The following CAMSAP1 variants were observed in gnomAD, a reference collection of about 807,000 sequenced individuals.
CAMSAP1 encodes calmodulin-regulated spectrin-associated protein 1.
Under a neutral mutation model 143.5 loss-of-function variants are expected in CAMSAP1, and 58 were observed. The ratio of observed to expected loss-of-function variants is 0.40; its 90% CI spans 0.33 to 0.50. The LOEUF (loss-of-function observed/expected upper bound fraction) is 0.50. Among genes scored for constraint, CAMSAP1 ranks in the 20% least tolerant of loss-of-function variants. The pLI is 0.45. For synonymous variants in CAMSAP1, 945 were observed against 859.3 expected (o/e 1.10, Z -1.74); for missense variants, 1,969 against 2,115.7 (o/e 0.93, Z 1.36).
At position 135,882,849 on chromosome 9, in the gene CAMSAP1, T is replaced by C. The variant is rs1436651963; in HGVS notation, c.390A>G (p.Thr130=). The C allele has an allele frequency of 1.2e-5, 18 of 1,551,252 alleles. No homozygotes were observed. Among genetic ancestry groups the C allele is most frequent in the Admixed American group, 9.8e-5 (5 of 50,978 alleles). The part of the protein sequence containing the change: ...YVMESDDTPV[T]ESDLSRAPIK... ...TGGGTGCGCGACTGAGGTCGGACTC[T>C]GTCACGGGGGTGTCATCACTCTCCA... is the stretch of plus-strand genomic sequence containing the variant. Residue 130 remains threonine (T), a synonymous_variant, in exon 2 of 17, where the codon ACA becomes ACG. Coordinates refer to ENST00000389532, the MANE Select transcript of CAMSAP1 (RefSeq NM_015447.4). The surrounding 1 kb of genome is among the most constrained non-coding windows in gnomAD (Gnocchi z 4.9).
At chr9:135,837,643 C>T (rs996678064) in intron 7 of CAMSAP1, among the ~76,000 whole-genome samples, 2 of 151,256 alleles carry the variant, frequency 1.3e-5, no homozygotes, top group Non-Finnish European at 2.9e-5. Flanking sequence ...CACGCACTTT[C>T]TACCCCTTCT....
chr9:135,897,859 A>C lies in CAMSAP1; in HGVS notation c.160+9141T>G, dbSNP rs58670141. Among the ~76,000 whole-genome samples, 100 of 152,330 alleles carry C rather than the reference A, an allele frequency of 6.6e-4. 3 individuals are homozygous for C. In the East Asian group the frequency reaches 0.019, roughly 29 times the overall value. ...AATATATTCAGGCCACAGTTGACCAAAGGTTACTGATAACAGGGGACTACT... is the reference window on the plus strand; with the variant it reads ...AATATATTCAGGCCACAGTTGACCACAGGTTACTGATAACAGGGGACTACT... On this transcript the variant is annotated intron_variant, in intron 1 of 16. Transcript: ENST00000389532.
chr9:135,816,306 G>A (rs1835228299), intron 14 of CAMSAP1, among the ~76,000 whole-genome samples: 1 of 152,220 alleles, frequency 6.6e-6, no homozygotes, highest in African/African-American at 2.4e-5. Flanking sequence ...CGTGAGCAGG[G>A]CACAGGCACA....
intron 7 of CAMSAP1, 88 bp from the exon 8 acceptor site, chr9:135,827,672 C>G: frequency 7.9e-7 from 1 of 1,265,694 alleles, no homozygotes; most frequent in Admixed American, 3.2e-5. Flanking sequence ...AGCACTAACT[C>G]AACCTTTTAT....
At chr9:135,876,260 G>C (rs1588495684) in intron 3 of CAMSAP1, among the ~76,000 whole-genome samples, 1 of 152,220 alleles carries the variant, frequency 6.6e-6, no homozygotes, top group Non-Finnish European at 1.5e-5. Context: ...GCCAACCTTT[G>C]CTTTTTGACA....
chr9:135,809,496 CA>C lies in CAMSAP1; in HGVS notation c.*1812del, dbSNP rs1375502814. The C allele has an allele frequency of 1.3e-5, 2 of 152,342 alleles. No individual in the cohort carries two copies. The highest frequency in any genetic ancestry group is 2.9e-5 in the Non-Finnish European group (2 of 68,024). The allele number at this position is 152,342 out of a possible 1,614,324, so 9.4% of individuals were successfully genotyped here. ...ACTTCGATAGGGCCATGGTAAAGAACAATGTGAAACTCCTATAAAGCAAGGA... is the reference window on the plus strand; with the variant it reads ...ACTTCGATAGGGCCATGGTAAAGAACATGTGAAACTCCTATAAAGCAAGGA... On this transcript the variant is annotated 3_prime_UTR_variant, in exon 17 of 17. Coordinates refer to ENST00000389532, the MANE Select transcript of CAMSAP1 (RefSeq NM_015447.4).
chr9:135,883,763 T>C (rs1044403277), intron 1 of CAMSAP1, among the ~76,000 whole-genome samples: 2 of 152,158 alleles, frequency 1.3e-5, no homozygotes, highest in African/African-American at 4.8e-5. Context: ...TTCCCTCAAA[T>C]GAGGACTACC....
chr9:135,843,145 T>A (rs1836421279), intron 7 of CAMSAP1, among the ~76,000 whole-genome samples: 2 of 151,962 alleles, frequency 1.3e-5, no homozygotes, highest in South Asian at 4.2e-4. Flanking sequence ...CTGACCAACA[T>A]GGAGAAACCC....
chr9:135,841,361 T>C (rs1001091507), intron 7 of CAMSAP1, among the ~76,000 whole-genome samples: 1 of 152,340 alleles, frequency 6.6e-6, no homozygotes, highest in East Asian at 1.9e-4. Context: ...CAGGGGCTTA[T>C]ACATAAAACT....
At chr9:135,841,981 G>C (rs536863131) in intron 7 of CAMSAP1, among the ~76,000 whole-genome samples, 50 of 152,286 alleles carry the variant, frequency 3.3e-4, no homozygotes, top group African/African-American at 1.2e-3. Context: ...AGGGAACAAA[G>C]CTGGACGAAG....
At position 135,841,320 on chromosome 9, in the gene CAMSAP1, G is replaced by A. The variant is rs559362874; in HGVS notation, c.1045+8817C>T. ...TCTAGATTCCTCCTCTCTGAGCAGG[G>A]CATCTCTGAAAGAAAAGTATTAGCC... On this transcript the variant is annotated intron_variant, in intron 7 of 16. Transcript: ENST00000389532. Among the ~76,000 whole-genome samples, 5 of 152,304 alleles carry A rather than the reference G, an allele frequency of 3.3e-5. No individual in the cohort carries two copies. In the South Asian group the frequency reaches 1.0e-3, roughly 32 times the overall value.
At position 135,823,074 on chromosome 9, in the gene CAMSAP1, G is replaced by A; in HGVS notation, c.1587C>T (p.Leu529=). Residue 529 remains leucine, a synonymous_variant, in exon 11 of 17, where the codon CTC becomes CTT. Coordinates refer to ENST00000389532, the MANE Select transcript of CAMSAP1 (RefSeq NM_015447.4). ...PTATKSHGKS[L]LSNVSIEDEE... The stretch of plus-strand genomic sequence containing the variant: ...CATCCTCAATACTGACATTGCTCAG[G>A]AGGCTCTTCCCGTGGCTCTTCGTGG... The A allele has an allele frequency of 6.2e-7, 1 of 1,614,010 alleles. No homozygotes were observed. Among genetic ancestry groups the A allele is most frequent in the Non-Finnish European group, 8.5e-7 (1 of 1,179,890 alleles).
intron 1 of CAMSAP1, among the ~76,000 whole-genome samples, chr9:135,904,491 G>A (rs1228407026): frequency 6.6e-6 from 1 of 151,990 alleles, no homozygotes; most frequent in Admixed American, 6.6e-5. Context: ...GACCAGCCTG[G>A]GAAACACAGG....
chr9:135,900,858 G>A (rs1313125631), intron 1 of CAMSAP1, among the ~76,000 whole-genome samples: 1 of 152,106 alleles, frequency 6.6e-6, no homozygotes, highest in Non-Finnish European at 1.5e-5. Flanking sequence ...GGGTTTAAGC[G>A]ATTCGTCTGC....
At position 135,822,190 on chromosome 9, in the gene CAMSAP1, C is replaced by G; in HGVS notation, c.2471G>C (p.Arg824Thr). 6.2e-7 allele frequency: 1 copy of G among 1,613,968 alleles called. No homozygotes were observed. The highest frequency in any genetic ancestry group is 8.5e-7 in the Non-Finnish European group (1 of 1,179,912). Residue 824 changes from arginine (R) to threonine (T), a missense_variant, in exon 11 of 17, where the codon AGA (arginine) becomes ACA (threonine). Transcript: ENST00000389532. This position sits in a 1 kb window ranked among gnomAD's most constrained non-coding sequence, Gnocchi z 6.1. ...GGACTTGGTCTCACAGCTGTTGAGT[C>G]TCTGGAGCTTCCTCTCCGCAAAGCT... Reference protein sequence around the residue: ...MTSFAERKLQRLNSCETKSST... With the variant: ...MTSFAERKLQTLNSCETKSST...
intron 3 of CAMSAP1, among the ~76,000 whole-genome samples, chr9:135,880,557 A>G (rs1194810983): frequency 6.6e-6 from 1 of 151,218 alleles, no homozygotes; most frequent in African/African-American, 2.5e-5. Context: ...ACTGTCTTAG[A>G]AAAAGTCGAA....
At chr9:135,835,887 G>A (rs993019036) in intron 7 of CAMSAP1, among the ~76,000 whole-genome samples, 9 of 152,174 alleles carry the variant, frequency 5.9e-5, no homozygotes, top group Admixed American at 5.2e-4. Flanking sequence ...GATTGAGGCA[G>A]GAGAATCACT....
intron 3 of CAMSAP1, among the ~76,000 whole-genome samples, chr9:135,868,792 G>A (rs946406142): frequency 6.6e-6 from 1 of 151,440 alleles, no homozygotes; most frequent in Non-Finnish European, 1.5e-5. Context: ...AATTTTTTGT[G>A]TTTTTAGCAG....
At chr9:135,868,609 ATTTTTTTTTT>A (rs767495608) in intron 3 of CAMSAP1, among the ~76,000 whole-genome samples, 6 of 93,466 alleles carry the variant, frequency 6.4e-5, no homozygotes, top group Non-Finnish European at 1.0e-4. Flanking sequence ...GAGATTGGCA[ATTTTTTTTTT>A]TTTTTTTTTT....
Sources: allele counts gnomAD v4.1 joint callset (sites outside exome capture counted in the v4.1 genomes callset), GRCh38; gene constraint gnomAD v4.1.1; non-coding constraint Gnocchi (gnomAD v3.1); transcripts MANE v1.5; gene names NCBI Gene and HGNC (gene_info 2026-07-23, HGNC 2026-07-21).